Variants in PACRG observed in about 807,000 individuals in gnomAD.
PACRG encodes the protein parkin coregulated.
PACRG carries 29 observed loss-of-function variants against 29.7 expected under a neutral mutation model. The observed-to-expected ratio is 0.98, with a 90% CI of 0.73 to 1.33. The LOEUF is 1.33. PACRG is among the 40% of genes most tolerant of loss of function. The pLI is 0.00. For missense variants in PACRG, 279 were observed against 316.2 expected (o/e 0.88, Z 0.89); for synonymous variants, 116 against 118.7 (o/e 0.98, Z 0.15).
intron 2 of PACRG, among the ~76,000 whole-genome samples, chr6:162,897,994 C>A (rs1486660244): frequency 2.6e-5 from 4 of 152,178 alleles, no homozygotes; most frequent in African/African-American, 9.7e-5. Flanking sequence ...CTGAAGCTAG[C>A]TCCACGTTCC....
intron 4 of PACRG, chr6:163,191,612 C>A: frequency 4.4e-6 from 2 of 456,030 alleles, no homozygotes; most frequent in South Asian, 3.1e-5. Flanking sequence ...GAGCTGAGAC[C>A]TCCTGACTCA....
intron 2 of PACRG, among the ~76,000 whole-genome samples, chr6:162,946,858 A>G (rs1799049043): frequency 6.6e-6 from 1 of 152,218 alleles, no homozygotes; most frequent in Non-Finnish European, 1.5e-5. Flanking sequence ...TCAAATCAAC[A>G]GAGTGAAGGA....
intron 2 of PACRG, among the ~76,000 whole-genome samples, chr6:162,999,192 T>C: frequency 6.6e-6 from 1 of 152,268 alleles, no homozygotes; most frequent in Non-Finnish European, 1.5e-5. Context: ...TAAACATAAA[T>C]AAGAGGATAT....
intron 3 of PACRG, among the ~76,000 whole-genome samples, chr6:163,070,148 A>G (rs1020790819): frequency 1.3e-5 from 2 of 152,178 alleles, no homozygotes; most frequent in South Asian, 4.1e-4. Flanking sequence ...GACCTGTCCT[A>G]CAAGAAATGC....
intron 3 of PACRG, among the ~76,000 whole-genome samples, chr6:163,072,025 C>G (rs1347817642): frequency 8.1e-6 from 1 of 123,234 alleles, no homozygotes; most frequent in Non-Finnish European, 1.7e-5. Context: ...AATACCAATC[C>G]TACTCAAACT....
At chr6:163,061,918 G>A (rs1262502124) in intron 2 of PACRG, among the ~76,000 whole-genome samples, 4 of 152,184 alleles carry the variant, frequency 2.6e-5, no homozygotes, top group Non-Finnish European at 5.9e-5. Flanking sequence ...TGCATTGTAT[G>A]TGGATGGGAG....
At chr6:163,107,405 G>A (rs993676356) in intron 4 of PACRG, among the ~76,000 whole-genome samples, 1 of 152,136 alleles carries the variant, frequency 6.6e-6, no homozygotes, top group Non-Finnish European at 1.5e-5. Flanking sequence ...GAATTTTTCA[G>A]ACTGAGATGG....
chr6:162,813,527 G>A (rs1413941824), intron 1 of PACRG, among the ~76,000 whole-genome samples: 1 of 152,030 alleles, frequency 6.6e-6, no homozygotes, highest in African/African-American at 2.4e-5. Flanking sequence ...TTTCTCATCA[G>A]TTCTAATTTC....
intron 4 of PACRG, among the ~76,000 whole-genome samples, chr6:163,235,470 C>A (rs1409943770): frequency 6.6e-6 from 1 of 152,096 alleles, no homozygotes; most frequent in African/African-American, 2.4e-5. Context: ...GTCTTGAGAG[C>A]ATGGTGTTCT....
chr6:162,904,604 A>T (rs1256542168), intron 2 of PACRG, among the ~76,000 whole-genome samples: 1 of 152,202 alleles, frequency 6.6e-6, no homozygotes, highest in Non-Finnish European at 1.5e-5. Context: ...ACCTATTAAT[A>T]CTTAAGGTTA....
At chr6:162,810,427 T>A (rs914044620) in intron 1 of PACRG, among the ~76,000 whole-genome samples, 10 of 152,046 alleles carry the variant, frequency 6.6e-5, no homozygotes, top group Admixed American at 1.3e-4. Flanking sequence ...ATCAGGAAGA[T>A]CTCAGAGTGA....
intron 2 of PACRG, among the ~76,000 whole-genome samples, chr6:162,941,327 G>A (rs551101371): frequency 1.3e-4 from 20 of 152,216 alleles, no homozygotes; most frequent in African/African-American, 4.1e-4. Context: ...CTTCCTTTGC[G>A]TCTTGTATCC....
intron 2 of PACRG, among the ~76,000 whole-genome samples, chr6:162,849,542 T>G (rs1291178177): frequency 6.6e-6 from 1 of 152,236 alleles, no homozygotes; most frequent in Non-Finnish European, 1.5e-5. Flanking sequence ...ATATGGGTGA[T>G]CTGCTCAGGC....
intron 1 of PACRG, among the ~76,000 whole-genome samples, chr6:162,739,629 G>A (rs898005139): frequency 6.6e-6 from 1 of 152,000 alleles, no homozygotes; most frequent in Admixed American, 6.6e-5. Context: ...GAATCACGAG[G>A]TCAGGAGATT....
chr6:163,270,673 TG>T (rs1278528015), intron 4 of PACRG, among the ~76,000 whole-genome samples: 1 of 152,126 alleles, frequency 6.6e-6, no homozygotes, highest in East Asian at 1.9e-4. Flanking sequence ...ACACTCAGCC[TG>T]AAACCATTTT....
intron 4 of PACRG, among the ~76,000 whole-genome samples, chr6:163,156,810 ACTT>A (rs1396003156): frequency 1.3e-5 from 2 of 151,742 alleles, no homozygotes; most frequent in African/African-American, 4.8e-5. Context: ...TTCAAAGACA[ACTT>A]CTTCAAAGCC....
rs200581429 is a variant in PACRG at position 162,991,631 on chromosome 6, G to A, written c.292-70519G>A. ...CTGAAGTTGCTTATCAGCTTAAGGA[G>A]ATTTTGGGCTGAGACGATGGGGTTT... On this transcript the variant is annotated intron_variant, in intron 2 of 4. Coordinates refer to ENST00000366888, the MANE Select transcript of PACRG (RefSeq NM_001080379.2). Among the ~76,000 whole-genome samples, 4 of 40,166 alleles carry A rather than the reference G, an allele frequency of 1.0e-4. No homozygotes were observed. In the East Asian group the frequency reaches 2.5e-3, roughly 25 times the overall value. 26.4% of individuals were successfully genotyped at this position (40,166 alleles called of 152,430 possible).
intron 2 of PACRG, among the ~76,000 whole-genome samples, chr6:162,882,057 G>C (rs149818552): frequency 7.7e-6 from 1 of 130,616 alleles, no homozygotes; most frequent in African/African-American, 3.0e-5. Flanking sequence ...CCAGAGACCC[G>C]GGGGCGCTCT....
At chr6:163,044,270 C>T (rs375665380) in intron 2 of PACRG, among the ~76,000 whole-genome samples, 15 of 150,996 alleles carry the variant, frequency 9.9e-5, no homozygotes, top group African/African-American at 2.4e-4. Flanking sequence ...TGGGTTCATG[C>T]GATCCTCCCA....
Sources: gnomAD v4.1 joint callset for allele counts (sites outside exome capture counted in the v4.1 genomes callset) on GRCh38, gnomAD v4.1.1 for gene constraint, MANE v1.5 for transcripts, NCBI Gene and HGNC (gene_info 2026-07-23, HGNC 2026-07-21) for gene names.